ABHD2: variants seen among roughly 807,000 people sequenced by gnomAD.
ABHD2 encodes abhydrolase domain containing 2, acylglycerol lipase.
A neutral mutation model predicts 48.1 loss-of-function variants in ABHD2; 20 were observed. The observed-to-expected ratio is 0.42, with a 90% CI of 0.29 to 0.60. The LOEUF (loss-of-function observed/expected upper bound fraction) is 0.60. Among genes scored for constraint, ABHD2 ranks in the 20% least tolerant of loss-of-function variants. ABHD2 has a pLI of 0.24. For synonymous variants in ABHD2, 209 were observed against 214.2 expected, an observed-to-expected ratio of 0.98 and a Z score of 0.21; for missense variants, 405 against 550.9, an observed-to-expected ratio of 0.74 and a Z score of 2.65.
upstream of ABHD2, among the ~76,000 whole-genome samples, chr15:89,084,859 C>T (rs535228972): frequency 1.4e-4 from 21 of 152,130 alleles, no homozygotes; most frequent in Non-Finnish European, 2.2e-4. The surrounding 1 kb of genome is among the most constrained non-coding windows in gnomAD (Gnocchi z 4.4). Flanking sequence ...CTGTCCTCTG[C>T]GTTTTACAGA....
chr15:89,079,264 G>A, the ABHD2 span, among the ~76,000 whole-genome samples: 1,473 of 152,220 alleles, frequency 9.7e-3, 22 homozygotes, highest in African/African-American at 0.033. The surrounding 1 kb of genome is among the most constrained non-coding windows in gnomAD (Gnocchi z 4.3). Context: ...AATCAAAGCC[G>A]CATAGGAAAG....
chr15:89,147,069 A>T (rs1160742608), intron 3 of ABHD2, among the ~76,000 whole-genome samples: 2 of 152,230 alleles, frequency 1.3e-5, no homozygotes, highest in African/African-American at 4.8e-5. Flanking sequence ...ATATGCATAG[A>T]CAAATAGATC....
At position 89,182,186 on chromosome 15, in the gene ABHD2, C is replaced by T. The variant is rs1315493676; in HGVS notation, c.723-3238C>T. 6.6e-6 allele frequency among the ~76,000 whole-genome samples: 1 copy of T among 152,200 alleles called. No individual in the cohort carries two copies. Among genetic ancestry groups the T allele is most frequent in the Non-Finnish European group, 1.5e-5 (1 of 68,030 alleles). ...GGTTTGGGGGTTAATTTTCTCTTCT[C>T]ATTTGTGATTATCACTTCTTGAGAG... On this transcript the variant is annotated intron_variant, in intron 6 of 10. Coordinates refer to ENST00000352732, the MANE Select transcript of ABHD2 (RefSeq NM_152924.5). The surrounding 1 kb of genome is among the most constrained non-coding windows in gnomAD (Gnocchi z 4.8).
chr15:89,046,632 G>GT, the ABHD2 span, among the ~76,000 whole-genome samples: 1 of 150,998 alleles, frequency 6.6e-6, no homozygotes, highest in African/African-American at 2.4e-5. Context: ...TTGGGAGAGT[G>GT]TATGTGTCGA....
intron 3 of ABHD2, among the ~76,000 whole-genome samples, chr15:89,148,752 G>A (rs954879553): frequency 3.3e-5 from 5 of 152,164 alleles, no homozygotes; most frequent in Non-Finnish European, 7.3e-5. Context: ...TCTAGCTCCC[G>A]GCAGAAGAAT....
intron 5 of ABHD2, among the ~76,000 whole-genome samples, chr15:89,171,694 G>A (rs1214566936): frequency 3.3e-5 from 5 of 152,174 alleles, no homozygotes; most frequent in African/African-American, 1.2e-4. Flanking sequence ...TTTACTGCAA[G>A]TAGAAAGGAA....
intron 3 of ABHD2, among the ~76,000 whole-genome samples, chr15:89,122,128 C>A (rs1356308779): frequency 6.6e-6 from 1 of 152,200 alleles, no homozygotes; most frequent in Non-Finnish European, 1.5e-5. Context: ...CTGTGCCCTG[C>A]CTTAAATAGC....
chr15:89,081,576 G>A, the ABHD2 span, among the ~76,000 whole-genome samples: 1 of 152,172 alleles, frequency 6.6e-6, no homozygotes, highest in Admixed American at 6.5e-5. Flanking sequence ...ATTTAAAAAT[G>A]TAATAGTTGG....
chr15:89,135,385 T>G (rs1397307019), intron 3 of ABHD2, among the ~76,000 whole-genome samples: 2 of 151,902 alleles, frequency 1.3e-5, no homozygotes, highest in Non-Finnish European at 2.9e-5. Context: ...TAAAGACACA[T>G]TTGGTAGTGT....
intron 4 of ABHD2, among the ~76,000 whole-genome samples, chr15:89,152,783 A>G (rs149443855): frequency 6.6e-6 from 1 of 152,256 alleles, no homozygotes; most frequent in Non-Finnish European, 1.5e-5. Flanking sequence ...GGAATTTGGC[A>G]TTGTTCTGTC....
chr15:89,148,542 T>C (rs2050536231), intron 3 of ABHD2, among the ~76,000 whole-genome samples: 1 of 152,258 alleles, frequency 6.6e-6, no homozygotes, highest in Non-Finnish European at 1.5e-5. Context: ...AACTTGGCAG[T>C]ATCTACAAAA....
At chr15:89,082,332 T>C in the ABHD2 span, among the ~76,000 whole-genome samples, 3 of 152,220 alleles carry the variant, frequency 2.0e-5, no homozygotes, top group Admixed American at 6.5e-5. This position sits in a 1 kb window ranked among gnomAD's most constrained non-coding sequence, Gnocchi z 4.4. Flanking sequence ...TATGCGAGGA[T>C]ATCCAAATAC....
Position 89,179,936 on chromosome 15 carries a change from A to G in ABHD2, c.722+3941A>G, listed in dbSNP as rs74029940. On this transcript the variant is annotated intron_variant, in intron 6 of 10. Transcript: ENST00000352732. The surrounding 1 kb of genome is among the most constrained non-coding windows in gnomAD (Gnocchi z 4.3). ...GAGGCAGGTACCACTTTTCCTGCCAAATGGTGGGGATATTGTCTCTCTTGC... is the reference window on the plus strand; with the variant it reads ...GAGGCAGGTACCACTTTTCCTGCCAGATGGTGGGGATATTGTCTCTCTTGC... 5.9e-4 allele frequency among the ~76,000 whole-genome samples: 90 copies of G among 152,358 alleles called. 1 individual carries two copies. Among genetic ancestry groups the G allele is most frequent in the African/African-American group, 2.1e-3 (88 of 41,592 alleles).
In ABHD2 at chr15:89,201,434, T is replaced by C; in HGVS notation, c.*6011T>C. On this transcript the variant is annotated 3_prime_UTR_variant, in exon 11 of 11. Coordinates refer to ENST00000352732, the MANE Select transcript of ABHD2 (RefSeq NM_152924.5). Reference sequence around the variant, plus strand: ...ATCATTTTCATTGGGGATCTCCATTTGGAATCCATTAATTCATGAGGTTTT... The same window carrying C: ...ATCATTTTCATTGGGGATCTCCATTCGGAATCCATTAATTCATGAGGTTTT... 7.6e-7 allele frequency: 1 copy of C among 1,320,130 alleles called. No homozygotes were observed. The highest frequency in any genetic ancestry group is 1.1e-6 in the Non-Finnish European group (1 of 925,738). The allele number at this position is 1,320,130 out of a possible 1,614,324, so 81.8% of individuals were successfully genotyped here.
chr15:89,180,511 A>G (rs920315270), intron 6 of ABHD2, among the ~76,000 whole-genome samples: 1 of 152,140 alleles, frequency 6.6e-6, no homozygotes, highest in African/African-American at 2.4e-5. Flanking sequence ...TGGTACAAAC[A>G]TGGTTTTCTT....
At chr15:89,132,316 C>T (rs1316335816) in intron 3 of ABHD2, among the ~76,000 whole-genome samples, 1 of 152,164 alleles carries the variant, frequency 6.6e-6, no homozygotes, top group Non-Finnish European at 1.5e-5. Flanking sequence ...AATTATGTAA[C>T]ATGCCCATAG....
At chr15:89,141,247 C>T (rs2050397584) in intron 3 of ABHD2, among the ~76,000 whole-genome samples, 1 of 152,142 alleles carries the variant, frequency 6.6e-6, no homozygotes. Flanking sequence ...TCCCAAATTG[C>T]TGGGATTACA....
At chr15:89,170,810 G>A (rs936863789) in intron 5 of ABHD2, among the ~76,000 whole-genome samples, 3 of 151,970 alleles carry the variant, frequency 2.0e-5, no homozygotes, top group Admixed American at 6.6e-5. Flanking sequence ...GCATCTTTTC[G>A]AGCTGCACTT....
the ABHD2 span, among the ~76,000 whole-genome samples, chr15:89,043,883 CT>C: frequency 1.1e-4 from 17 of 150,164 alleles, 1 homozygote; most frequent in African/African-American, 3.7e-4. Context: ...TTTCTCTTTT[CT>C]TTTTTTTTCC....
Sources: gnomAD v4.1 joint callset for allele counts (sites outside exome capture counted in the v4.1 genomes callset) on GRCh38, gnomAD v4.1.1 for gene constraint, Gnocchi (gnomAD v3.1) non-coding constraint, MANE v1.5 for transcripts, NCBI Gene and HGNC (gene_info 2026-07-23, HGNC 2026-07-21) for gene names.